Variants in NFIB observed in about 807,000 individuals in gnomAD.
NFIB encodes nuclear factor 1 B-type.
Under a neutral mutation model 61.5 loss-of-function variants are expected in NFIB, and 11 were observed. That is an observed-to-expected ratio of 0.18 (90% CI 0.11 to 0.30). The LOEUF is 0.30. Among genes scored for constraint, NFIB ranks in the 10% least tolerant of loss-of-function variants. The pLI is 1.00. For synonymous variants in NFIB, 260 were observed against 216.5 expected (o/e 1.20, Z -1.76); for missense variants, 471 against 608.9 (o/e 0.77, Z 2.38).
chr9:14,198,973 C>G (rs898434351), intron 2 of NFIB, among the ~76,000 whole-genome samples: 3 of 152,188 alleles, frequency 2.0e-5, no homozygotes, highest in African/African-American at 7.2e-5. Flanking sequence ...CCACACTGAA[C>G]CATTCTGAAC....
At chr9:14,194,220 A>G (rs2048248547) in intron 2 of NFIB, among the ~76,000 whole-genome samples, 1 of 152,212 alleles carries the variant, frequency 6.6e-6, no homozygotes, top group South Asian at 2.1e-4. Context: ...AATAGACATA[A>G]AGTGGCCATG....
the NFIB span, among the ~76,000 whole-genome samples, chr9:14,435,971 A>C: frequency 1.9e-3 from 291 of 152,356 alleles, no homozygotes; most frequent in Non-Finnish European, 3.0e-3. Context: ...CTGTCGGCTT[A>C]GGTCATACTA....
At chr9:14,246,114 C>T (rs2054898220) in intron 2 of NFIB, among the ~76,000 whole-genome samples, 1 of 151,474 alleles carries the variant, frequency 6.6e-6, no homozygotes, top group Non-Finnish European at 1.5e-5. Context: ...ATATCAGGGA[C>T]AGCGTGGGTT....
At chr9:14,225,480 AGAAG>A (rs1363281587) in intron 2 of NFIB, among the ~76,000 whole-genome samples, 5,022 of 62,342 alleles carry the variant, frequency 0.081, 629 homozygotes, top group African/African-American at 0.33. Flanking sequence ...AAAAAAAAAA[AGAAG>A]AAGAAGAAAA....
intron 3 of NFIB, among the ~76,000 whole-genome samples, chr9:14,165,188 A>G (rs563138590): frequency 2.6e-4 from 40 of 152,136 alleles, no homozygotes; most frequent in Admixed American, 5.2e-4. Flanking sequence ...TGTATCCTTT[A>G]TCTAGTCTTT....
At chr9:14,164,286 C>T (rs189154280) in intron 3 of NFIB, among the ~76,000 whole-genome samples, 10 of 152,108 alleles carry the variant, frequency 6.6e-5, no homozygotes, top group Non-Finnish European at 1.2e-4. Flanking sequence ...TGTTAATAGG[C>T]AATTTCATGG....
chr9:14,444,753 T>C, the NFIB span, among the ~76,000 whole-genome samples: 2 of 152,222 alleles, frequency 1.3e-5, no homozygotes, highest in African/African-American at 2.4e-5. Context: ...TATAAAAACA[T>C]ATGTACATCA....
chr9:14,237,787 T>TAAGCTCCTCACCCTGCTAG (rs2053910807), intron 2 of NFIB, among the ~76,000 whole-genome samples: 1 of 107,142 alleles, frequency 9.3e-6, no homozygotes, highest in Non-Finnish European at 2.3e-5. Flanking sequence ...TGTGTGTGTG[T>TAAGCTCCTCACCCTGCTAG]GTGTGTGTGT....
intron 9 of NFIB, among the ~76,000 whole-genome samples, 196 bp downstream of exon 9, chr9:14,116,012 G>C (rs549916263): frequency 6.6e-6 from 1 of 152,330 alleles, no homozygotes; most frequent in East Asian, 1.9e-4. Flanking sequence ...TGGAATTTGA[G>C]AAGAGAGAGC....
intron 2 of NFIB, among the ~76,000 whole-genome samples, chr9:14,242,585 T>C (rs1296460082): frequency 1.3e-5 from 2 of 152,190 alleles, no homozygotes; most frequent in East Asian, 1.9e-4. Context: ...TCAGGCCTTT[T>C]TGTGCTAGGA....
the NFIB span, among the ~76,000 whole-genome samples, chr9:14,460,327 T>G: frequency 6.8e-6 from 1 of 146,120 alleles, no homozygotes; most frequent in African/African-American, 2.6e-5. Context: ...ATGAGAACAC[T>G]TGGACACAGG....
At chr9:14,447,044 A>C in the NFIB span, among the ~76,000 whole-genome samples, 1 of 152,174 alleles carries the variant, frequency 6.6e-6, no homozygotes, top group Non-Finnish European at 1.5e-5. Flanking sequence ...ATAAACCAAC[A>C]CAGAAATTCC....
intron 2 of NFIB, among the ~76,000 whole-genome samples, chr9:14,187,346 TA>T (rs994452466): frequency 7.9e-5 from 12 of 152,180 alleles, no homozygotes; most frequent in Non-Finnish European, 1.5e-5. Context: ...AGAACCAATA[TA>T]ATATTTGGGA....
intron 2 of NFIB, among the ~76,000 whole-genome samples, chr9:14,219,422 T>C (rs1213250657): frequency 7.0e-6 from 1 of 141,978 alleles, no homozygotes; most frequent in East Asian, 2.1e-4. Flanking sequence ...TTGAAGAGAT[T>C]TTTCCAAATA....
chr9:14,355,205 T>C (rs1224613202), intron 1 of NFIB, among the ~76,000 whole-genome samples: 1 of 151,978 alleles, frequency 6.6e-6, no homozygotes, highest in Admixed American at 6.6e-5. Context: ...TTTAAGGGGG[T>C]ACTTAAGTTA....
chr9:14,207,090 C>A (rs145089459), intron 2 of NFIB, among the ~76,000 whole-genome samples: 23 of 152,246 alleles, frequency 1.5e-4, no homozygotes, highest in East Asian at 3.9e-4. Context: ...CTCAATATTA[C>A]GGTATCCATA....
the NFIB span, among the ~76,000 whole-genome samples, chr9:14,458,732 CA>C: frequency 6.6e-6 from 1 of 152,086 alleles, no homozygotes. Context: ...AACAGACAAA[CA>C]GAGAGCCAAA....
chr9:14,490,285 A>T, the NFIB span, among the ~76,000 whole-genome samples: 3,123 of 152,246 alleles, frequency 0.021, 127 homozygotes, highest in African/African-American at 0.072. Context: ...TTGATTATCT[A>T]GTTGGACATA....
At chr9:14,516,225 G>A in the NFIB span, among the ~76,000 whole-genome samples, 1 of 152,174 alleles carries the variant, frequency 6.6e-6, no homozygotes, top group Non-Finnish European at 1.5e-5. Context: ...AAAATAGCTA[G>A]CCACCAGGAG....
Sources: gnomAD v4.1 joint callset for allele counts (sites outside exome capture counted in the v4.1 genomes callset) on GRCh38, gnomAD v4.1.1 for gene constraint, MANE v1.5 for transcripts, NCBI Gene and HGNC (gene_info 2026-07-23, HGNC 2026-07-21) for gene names.